Variants in PSD3 observed in about 807,000 individuals in gnomAD.
The protein encoded by PSD3 is PH and SEC7 domain-containing protein 3.
A neutral mutation model predicts 105.5 loss-of-function variants in PSD3; 49 were observed. The observed-to-expected ratio is 0.46, with a 90% CI of 0.37 to 0.59. The LOEUF is 0.59. Among genes scored for constraint, PSD3 ranks in the 20% least tolerant of loss-of-function variants. The probability of loss-of-function intolerance (pLI) is 0.00; values close to 1 mark genes in which losing one functional copy is unlikely to be tolerated. For synonymous variants in PSD3, 557 were observed against 457.8 expected (o/e 1.22, Z -2.77); for missense variants, 1,561 against 1,263.8 (o/e 1.24, Z -3.57).
chr8:19,027,779 C>T (rs1448484803), intron 1 of PSD3, among the ~76,000 whole-genome samples: 1 of 152,170 alleles, frequency 6.6e-6, no homozygotes, highest in Non-Finnish European at 1.5e-5. Context: ...GATCTTTAGT[C>T]ATTCCTCTTT....
intron 2 of PSD3, among the ~76,000 whole-genome samples, chr8:18,900,611 T>C (rs1819441717): frequency 6.6e-6 from 1 of 150,492 alleles, no homozygotes; most frequent in African/African-American, 2.4e-5. Context: ...CTAAACATGA[T>C]GAAAAATACA....
intron 11 of PSD3, among the ~76,000 whole-genome samples, chr8:18,623,234 A>AT (rs33953123): frequency 0.44 from 67,080 of 151,506 alleles, 15,443 homozygotes; most frequent in African/African-American, 0.56. Flanking sequence ...TCTAATTGTA[A>AT]TTTTCCTGTG....
At chr8:18,916,430 G>A (rs1018308682) in intron 2 of PSD3, among the ~76,000 whole-genome samples, 1 of 148,960 alleles carries the variant, frequency 6.7e-6, no homozygotes, top group Non-Finnish European at 1.5e-5. Context: ...CATCATTTGT[G>A]ACAAAACGGA....
intron 1 of PSD3, among the ~76,000 whole-genome samples, chr8:18,949,268 T>A (rs1823088800): frequency 9.2e-6 from 1 of 108,978 alleles, no homozygotes; most frequent in Non-Finnish European, 1.9e-5. Flanking sequence ...TATATATATA[T>A]ATATATATAT....
At chr8:19,003,789 G>T (rs1203123672) in intron 1 of PSD3, among the ~76,000 whole-genome samples, 1 of 151,984 alleles carries the variant, frequency 6.6e-6, no homozygotes, top group Non-Finnish European at 1.5e-5. Flanking sequence ...TCAAGACCCA[G>T]TGCTGAGGTA....
intron 9 of PSD3, chr8:18,684,204 C>CCACA (rs67855105): frequency 0.011 from 2,153 of 195,616 alleles, 18 homozygotes; most frequent in African/African-American, 0.033. Context: ...TCTCTCTTTT[C>CCACA]CACACACACA....
At chr8:18,983,580 G>C (rs1015057655) in intron 1 of PSD3, among the ~76,000 whole-genome samples, 1 of 152,152 alleles carries the variant, frequency 6.6e-6, no homozygotes, top group Non-Finnish European at 1.5e-5. Flanking sequence ...ATATTGTTGT[G>C]TCTCAGGGAA....
At chr8:19,012,985 C>G (rs980380868) in intron 1 of PSD3, among the ~76,000 whole-genome samples, 1 of 152,054 alleles carries the variant, frequency 6.6e-6, no homozygotes, top group Non-Finnish European at 1.5e-5. Context: ...TCTAAACCCA[C>G]GTCCTCTAAT....
rs1802203755 is a variant in PSD3 at position 18,572,481 on chromosome 8, T to C, written c.2784+47A>G. ...AAAGACAAATATTTATCACATTATT[T>C]TACAAAGTACTTTTTCCCAAGGTCA... On this transcript the variant is annotated intron_variant, in intron 14 of 15. Transcript: ENST00000327040. The C allele has an allele frequency of 4.4e-6, 7 of 1,586,746 alleles. No homozygotes were observed. The East Asian group carries it at 1.3e-4, about 31-fold the overall frequency.
intron 1 of PSD3, among the ~76,000 whole-genome samples, chr8:19,059,618 A>G (rs893657617): frequency 2.0e-5 from 3 of 152,224 alleles, no homozygotes; most frequent in Admixed American, 2.0e-4. Flanking sequence ...TATGAGAACA[A>G]AAGTTTGCTA....
chr8:18,881,903 G>C (rs1038597073), intron 2 of PSD3, among the ~76,000 whole-genome samples: 5 of 152,084 alleles, frequency 3.3e-5, no homozygotes, highest in African/African-American at 1.2e-4. Context: ...GAACCAATAG[G>C]ATACCAATTA....
chr8:18,829,462 GCCTATAGAAT>G (rs1813502637), intron 4 of PSD3, among the ~76,000 whole-genome samples: 1 of 152,124 alleles, frequency 6.6e-6, no homozygotes, highest in African/African-American at 2.4e-5. Context: ...ACGTTCTAGT[GCCTATAGAAT>G]CCCGTCCATC....
At chr8:18,676,814 C>T (rs1421440813) in intron 9 of PSD3, among the ~76,000 whole-genome samples, 1 of 152,242 alleles carries the variant, frequency 6.6e-6, no homozygotes, top group Non-Finnish European at 1.5e-5. Context: ...CAGAGCCAGT[C>T]AGAGGACCCT....
In PSD3 at chr8:18,553,113, G is replaced by C. The variant is rs143015325; in HGVS notation, c.2928+3096C>G. ...TAAACAACTGGAATGCATACAATTA[G>C]TAACACTCCTGGTGTTATTACTAAC... On this transcript the variant is annotated intron_variant, in intron 15 of 15. Coordinates refer to ENST00000327040, the MANE Select transcript of PSD3 (RefSeq NM_015310.4). 6.5e-3 allele frequency among the ~76,000 whole-genome samples: 986 copies of C among 152,318 alleles called. 9 individuals are homozygous for C. The highest frequency in any genetic ancestry group is 0.021 in the African/African-American group (861 of 41,564).
At chr8:18,792,287 T>C (rs1460659665) in intron 8 of PSD3, among the ~76,000 whole-genome samples, 2 of 152,168 alleles carry the variant, frequency 1.3e-5, no homozygotes, top group East Asian at 3.9e-4. Flanking sequence ...GCAGCACTAT[T>C]TACAGTAGGA....
intron 2 of PSD3, among the ~76,000 whole-genome samples, chr8:18,875,785 C>T (rs1294377556): frequency 6.6e-6 from 1 of 152,158 alleles, no homozygotes; most frequent in African/African-American, 2.4e-5. Flanking sequence ...GATCCGCCCG[C>T]CTAGGCCTCC....
intron 9 of PSD3, among the ~76,000 whole-genome samples, chr8:18,752,612 CAT>C (rs1805677536): frequency 1.9e-5 from 1 of 51,598 alleles, no homozygotes; most frequent in Non-Finnish European, 3.4e-5. Context: ...ATATATAATA[CAT>C]ATAATATATA....
chr8:18,949,209 G>A (rs13260524), intron 1 of PSD3, among the ~76,000 whole-genome samples: 9 of 70,266 alleles, frequency 1.3e-4, no homozygotes, highest in African/African-American at 3.7e-4. Flanking sequence ...GCTACAGATC[G>A]AGACTCTGTC....
chr8:18,971,580 A>G (rs1586555448), intron 1 of PSD3, among the ~76,000 whole-genome samples: 1 of 152,330 alleles, frequency 6.6e-6, no homozygotes, highest in African/African-American at 2.4e-5. Flanking sequence ...CTTCAGCACA[A>G]GGAGTTTGAG....
Sources: gnomAD v4.1 joint callset for allele counts (sites outside exome capture counted in the v4.1 genomes callset) on GRCh38, gnomAD v4.1.1 for gene constraint, MANE v1.5 for transcripts, NCBI Gene and HGNC (gene_info 2026-07-23, HGNC 2026-07-21) for gene names.